The following CLNK variants were observed in gnomAD, a reference collection of about 807,000 sequenced individuals.
The protein encoded by CLNK is cytokine dependent hematopoietic cell linker.
Under a neutral mutation model 68.6 loss-of-function variants are expected in CLNK, and 74 were observed. The observed-to-expected ratio is 1.08, with a 90% CI of 0.89 to 1.31. CLNK has a LOEUF of 1.31. CLNK is among the 50% of genes most tolerant of loss of function. The pLI is 0.00. For synonymous variants in CLNK, 198 were observed against 172.2 expected, an observed-to-expected ratio of 1.15 and a Z score of -1.17; for missense variants, 553 against 515.3, an observed-to-expected ratio of 1.07 and a Z score of -0.71.
chr4:10,536,141 C>A (rs891692921), intron 11 of CLNK, among the ~76,000 whole-genome samples: 5 of 152,174 alleles, frequency 3.3e-5, no homozygotes, highest in Non-Finnish European at 5.9e-5. Flanking sequence ...TGAGCACAGC[C>A]CACTGCAAAA....
Position 10,501,411 on chromosome 4 carries a change from C to G in CLNK, c.985G>C (p.Asp329His). Residue 329 changes from aspartate (D) to histidine (H), a missense_variant and splice_region_variant, in exon 18 of 19, where the codon GAT becomes CAT. By Grantham distance (81) the Asp-to-His change is moderately conservative. Coordinates refer to ENST00000226951, the MANE Select transcript of CLNK (RefSeq NM_052964.4). ...CAATCTCGGACCAAGAAACTACCATCCTGAAGCAAAAAGAGTAACAGTCAT... is the reference window on the plus strand; with the variant it reads ...CAATCTCGGACCAAGAAACTACCATGCTGAAGCAAAAAGAGTAACAGTCAT... ...VEEAFMKENKDGSFLVRDCST... is the reference protein window; with the variant it reads ...VEEAFMKENKHGSFLVRDCST... The G allele has an allele frequency of 6.2e-7, 1 of 1,605,804 alleles. No individual in the cohort carries two copies. The highest frequency in any genetic ancestry group is 8.5e-7 in the Non-Finnish European group (1 of 1,177,438).
the CLNK span, among the ~76,000 whole-genome samples, chr4:10,730,179 G>A: frequency 1.3e-5 from 2 of 152,134 alleles, no homozygotes; most frequent in African/African-American, 2.4e-5. Context: ...GGTCTGCATA[G>A]CCACCATCTG....
chr4:10,733,081 C>A, the CLNK span, among the ~76,000 whole-genome samples: 3 of 152,098 alleles, frequency 2.0e-5, no homozygotes, highest in African/African-American at 7.2e-5. Flanking sequence ...TCCAAGCCCC[C>A]CTTTCGGTTA....
At chr4:10,618,866 G>A (rs2531199) in intron 2 of CLNK, among the ~76,000 whole-genome samples, 1 of 152,338 alleles carries the variant, frequency 6.6e-6, no homozygotes, top group African/African-American at 2.4e-5. Context: ...GACTCTGGCC[G>A]CTGGATCCAA....
the CLNK span, among the ~76,000 whole-genome samples, chr4:10,730,752 T>C: frequency 6.6e-6 from 1 of 152,238 alleles, no homozygotes; most frequent in Non-Finnish European, 1.5e-5. Flanking sequence ...TTCATTGTGG[T>C]CACCTCTGGT....
chr4:10,507,340 G>A (rs1276058510), intron 17 of CLNK, among the ~76,000 whole-genome samples: 4 of 151,702 alleles, frequency 2.6e-5, no homozygotes, highest in African/African-American at 9.7e-5. Context: ...TTGAACTCCT[G>A]ACCTCAGGTG....
intron 2 of CLNK, among the ~76,000 whole-genome samples, chr4:10,618,268 C>A (rs1332560724): frequency 6.6e-6 from 1 of 152,144 alleles, no homozygotes; most frequent in Non-Finnish European, 1.5e-5. Context: ...AAGCCAGACA[C>A]AAGAAAATAC....
chr4:10,700,694 G>A, the CLNK span, among the ~76,000 whole-genome samples: 29 of 152,120 alleles, frequency 1.9e-4, no homozygotes, highest in Admixed American at 1.2e-3. Context: ...CAGGTGGGTC[G>A]TAAAGGAGTT....
In CLNK at chr4:10,571,753, A is replaced by G. The variant is rs1207993569; in HGVS notation, c.138T>C (p.Pro46=). The change falls in exon 5 of 19, where the codon CCT becomes CCC. Residue 46 remains proline (P), a synonymous_variant. Coordinates refer to ENST00000226951, the MANE Select transcript of CLNK (RefSeq NM_052964.4). ...ATGQYQRMNK[P]LLDWERNFAA... ...GCAGCTGACTTACCCAGTCTAGAAG[A>G]GGCTTGTTCATCCTCTGGTACTGGC... 1 of 1,612,926 alleles carries G rather than the reference A, an allele frequency of 6.2e-7. No homozygotes were observed.
At chr4:10,593,117 A>T (rs1282328732) in intron 3 of CLNK, among the ~76,000 whole-genome samples, 1 of 152,132 alleles carries the variant, frequency 6.6e-6, no homozygotes, top group Non-Finnish European at 1.5e-5. Flanking sequence ...CTGTGAAAGA[A>T]CCTAGGACCT....
chr4:10,597,421 G>A (rs1338464288), intron 3 of CLNK, among the ~76,000 whole-genome samples: 1 of 152,182 alleles, frequency 6.6e-6, no homozygotes, highest in Non-Finnish European at 1.5e-5. Flanking sequence ...CACAGGATTC[G>A]ATCAAGTTCT....
the CLNK span, among the ~76,000 whole-genome samples, chr4:10,692,305 C>T: frequency 6.6e-6 from 1 of 152,186 alleles, no homozygotes; most frequent in Non-Finnish European, 1.5e-5. Context: ...CAAGGACAGG[C>T]TCAGATCTTT....
At chr4:10,542,305 T>C in intron 8 of CLNK, 25 bp from the exon 9 acceptor site, 1 of 1,492,724 alleles carries the variant, frequency 6.7e-7, no homozygotes, top group Non-Finnish European at 9.2e-7. Context: ...GGAATAGCAG[T>C]GAATTTATGG....
chr4:10,572,161 C>A (rs1720379408), intron 4 of CLNK, among the ~76,000 whole-genome samples: 1 of 152,244 alleles, frequency 6.6e-6, no homozygotes. Context: ...ATTTTCCCTT[C>A]TCTTCCCCCA....
At position 10,501,709 on chromosome 4, in the gene CLNK, C is replaced by T. The variant is rs371727640; in HGVS notation, c.985-298G>A. Among the ~76,000 whole-genome samples, 17 of 152,194 alleles carry T rather than the reference C, an allele frequency of 1.1e-4. 1 individual carries two copies. In the East Asian group the frequency reaches 2.9e-3, roughly 26 times the overall value. ...TGGGAGGCCAAGGCAGGCGGATCAC[C>T]GGAGGTCAGGAGTTTGAAACCAGGC... On this transcript the variant is annotated intron_variant, in intron 17 of 18. Transcript: ENST00000226951.
rs903098902 is a variant in CLNK at position 10,641,167 on chromosome 4, G to A, written c.11+26692C>T. On this transcript the variant is annotated intron_variant, in intron 2 of 18. Coordinates refer to ENST00000226951, the MANE Select transcript of CLNK (RefSeq NM_052964.4). ...AGAAGAACAGGCCTCCTGAGGGACA[G>A]TTGGAGGGAGGCTGGGAGTTTTGCT... Among the ~76,000 whole-genome samples, 69 of 152,214 alleles carry A rather than the reference G, an allele frequency of 4.5e-4. 1 individual carries two copies. Among genetic ancestry groups the A allele is most frequent in the South Asian group, 2.1e-4 (1 of 4,832 alleles).
intron 3 of CLNK, among the ~76,000 whole-genome samples, chr4:10,594,581 C>A (rs1053396131): frequency 6.6e-6 from 1 of 152,182 alleles, no homozygotes; most frequent in African/African-American, 2.4e-5. Context: ...GGCCCATGCT[C>A]TAGGAGCCAC....
intron 7 of CLNK, among the ~76,000 whole-genome samples, chr4:10,562,713 T>G (rs1318589649): frequency 6.6e-6 from 1 of 152,198 alleles, no homozygotes; most frequent in Non-Finnish European, 1.5e-5. Flanking sequence ...CACAAGAATG[T>G]TTTAAGGATT....
At chr4:10,634,674 G>A (rs965392565) in intron 2 of CLNK, among the ~76,000 whole-genome samples, 2 of 152,048 alleles carry the variant, frequency 1.3e-5, no homozygotes, top group African/African-American at 2.4e-5. Context: ...GTCTAACTTC[G>A]GTGTTTTGAA....
Sources: allele counts gnomAD v4.1 joint callset (sites outside exome capture counted in the v4.1 genomes callset), GRCh38; gene constraint gnomAD v4.1.1; transcripts MANE v1.5; gene names NCBI Gene and HGNC (gene_info 2026-07-23, HGNC 2026-07-21).